MTMR8: variants seen among roughly 807,000 people sequenced by gnomAD.
MTMR8 encodes phosphatidylinositol-3,5-bisphosphate 3-phosphatase MTMR8.
In MTMR8, 65 loss-of-function variants were observed where a neutral mutation model predicts 39.3. The observed-to-expected ratio is 1.65, with a 90% CI of 1.35 to 2.03. The LOEUF is 2.03. Among genes scored for constraint, MTMR8 ranks in the 30% most tolerant of loss-of-function variants. The pLI is 0.00. For synonymous variants in MTMR8, 245 were observed against 185.2 expected (o/e 1.32, Z -2.62); for missense variants, 777 against 538.9 (o/e 1.44, Z -4.37).
intron 12 of MTMR8, among the ~76,000 whole-genome samples, chrX:64,286,343 C>A (rs1010884157): frequency 8.1e-5 from 9 of 111,799 alleles, no homozygotes; most frequent in African/African-American, 2.9e-4. Flanking sequence ...ACAAAAAAGT[C>A]CATGACCAGA....
chrX:64,363,179 T>TA (rs762579931), intron 1 of MTMR8, among the ~76,000 whole-genome samples: 43 of 109,632 alleles, frequency 3.9e-4, no homozygotes, highest in East Asian at 1.2e-3. Flanking sequence ...CACTACTTAA[T>TA]AAAAAAAAAT....
At chrX:64,270,623 A>G (rs1931739558) in intron 13 of MTMR8, among the ~76,000 whole-genome samples, 2 of 112,318 alleles carry the variant, frequency 1.8e-5, no homozygotes, top group Admixed American at 1.9e-4. Context: ...CCAAGATGTT[A>G]TACTTATTCT....
chrX:64,323,727 A>G (rs770897057), intron 12 of MTMR8, among the ~76,000 whole-genome samples: 4 of 112,367 alleles, frequency 3.6e-5, no homozygotes, highest in Non-Finnish European at 7.5e-5. Flanking sequence ...TTTTACCACA[A>G]TGGTATAAAA....
intron 12 of MTMR8, among the ~76,000 whole-genome samples, chrX:64,300,304 T>C (rs1016168799): frequency 8.7e-4 from 97 of 111,873 alleles, no homozygotes; most frequent in Admixed American, 1.7e-3. Context: ...TTAGCTCTTC[T>C]TGTTGAATTG....
At chrX:64,387,577 C>A (rs767035967) in intron 1 of MTMR8, among the ~76,000 whole-genome samples, 1 of 109,890 alleles carries the variant, frequency 9.1e-6, no homozygotes, top group Non-Finnish European at 1.9e-5. Context: ...CTCAAAGGCA[C>A]CAGGGCCCCA....
chrX:64,270,760 T>A (rs1931742587), intron 13 of MTMR8, among the ~76,000 whole-genome samples, 187 bp downstream of exon 13: 1 of 111,750 alleles, frequency 8.9e-6, no homozygotes, highest in Middle Eastern at 4.7e-3. Context: ...GAGTGACATA[T>A]TTACCACATT....
chrX:64,292,341 G>C (rs1474066701), intron 12 of MTMR8, among the ~76,000 whole-genome samples: 4 of 111,589 alleles, frequency 3.6e-5, no homozygotes, highest in Non-Finnish European at 1.9e-5. Flanking sequence ...CTAAATCAAG[G>C]AAAGTTACAT....
intron 1 of MTMR8, among the ~76,000 whole-genome samples, chrX:64,362,627 T>C (rs143309349): frequency 0.015 from 1,588 of 109,339 alleles, 36 homozygotes; most frequent in African/African-American, 0.049. Flanking sequence ...GCTAGATGTG[T>C]TGGGGAAACA....
intron 1 of MTMR8, among the ~76,000 whole-genome samples, chrX:64,365,452 T>C (rs942905411): frequency 9.0e-6 from 1 of 111,724 alleles, no homozygotes; most frequent in East Asian, 2.8e-4. Context: ...TAGGGGGCAA[T>C]ATTCAACATT....
At chrX:64,316,929 A>T (rs1266071469) in intron 12 of MTMR8, among the ~76,000 whole-genome samples, 1 of 108,301 alleles carries the variant, frequency 9.2e-6, no homozygotes, top group Non-Finnish European at 1.9e-5. Context: ...TGGCCAACAT[A>T]GCAAAATCCC....
intron 1 of MTMR8, among the ~76,000 whole-genome samples, chrX:64,372,132 C>CT (rs1683936837): frequency 9.5e-6 from 1 of 105,200 alleles, no homozygotes; most frequent in Admixed American, 1.0e-4. Context: ...ATTTTTTAAA[C>CT]TTTTTTATTA....
intron 12 of MTMR8, among the ~76,000 whole-genome samples, chrX:64,301,987 T>C (rs866543562): frequency 1.3e-4 from 15 of 112,259 alleles, no homozygotes; most frequent in South Asian, 1.1e-3. Flanking sequence ...GACAGGGACA[T>C]TTAAGTCTGC....
intron 12 of MTMR8, among the ~76,000 whole-genome samples, chrX:64,288,280 C>A (rs1292478786): frequency 9.0e-6 from 1 of 111,063 alleles, no homozygotes; most frequent in African/African-American, 3.3e-5. Flanking sequence ...CTCATCACCA[C>A]TGGCCATCAG....
intron 1 of MTMR8, among the ~76,000 whole-genome samples, chrX:64,375,662 C>T (rs1030171324): frequency 9.0e-6 from 1 of 111,482 alleles, no homozygotes; most frequent in African/African-American, 3.3e-5. Context: ...GCTGTTTGCC[C>T]CTTCTGCCAT....
intron 1 of MTMR8, among the ~76,000 whole-genome samples, chrX:64,383,814 A>G (rs1007667419): frequency 6.3e-5 from 7 of 111,015 alleles, no homozygotes; most frequent in African/African-American, 2.0e-4. Flanking sequence ...TTTGGTAGGG[A>G]CAGAACCAAA....
intron 11 of MTMR8, chrX:64,331,295 C>G: frequency 2.8e-6 from 1 of 352,866 alleles, no homozygotes; most frequent in Non-Finnish European, 5.0e-6. Flanking sequence ...TTTGCAAAGG[C>G]CTTGTACATC....
chrX:64,277,453 C>T (rs1602102791), intron 12 of MTMR8, among the ~76,000 whole-genome samples: 1 of 111,939 alleles, frequency 8.9e-6, no homozygotes, highest in East Asian at 2.8e-4. Flanking sequence ...GTGACAAAAT[C>T]TCTCAGCATT....
rs754333322 is a variant in MTMR8, at chrX:64,354,952, G to T, written c.311-18C>A. On this transcript the variant is annotated intron_variant, in intron 3 of 13. Transcript: ENST00000374852. ...AGGTAATGCTGGAGAAGAGAGATAG[G>T]CATGGAAAACAAAATGATGAATGAA... 5.2e-6 allele frequency: 6 copies of T among 1,146,519 alleles called. No homozygotes were observed. The South Asian group carries it at 8.3e-5, about 16-fold the overall frequency. The allele number at this position is 1,146,519 out of a possible 1,213,427, so 94.5% of individuals were successfully genotyped here. A position where few individuals can be genotyped will look rare whatever the true frequency, so the allele number is the denominator to read the frequency against.
intron 12 of MTMR8, among the ~76,000 whole-genome samples, chrX:64,300,093 G>C (rs1457453975): frequency 1.0e-5 from 1 of 99,053 alleles, no homozygotes; most frequent in Non-Finnish European, 2.0e-5. Context: ...ATGTCTATTA[G>C]GTCTGCTTGG....
Sources: allele counts gnomAD v4.1 joint callset (sites outside exome capture counted in the v4.1 genomes callset), GRCh38; gene constraint gnomAD v4.1.1; transcripts MANE v1.5; gene names NCBI Gene and HGNC (gene_info 2026-07-23, HGNC 2026-07-21).